QTGAL: variants seen among roughly 807,000 people sequenced by gnomAD.
QTGAL encodes queuosine-tRNA galactosyltransferase.
the QTGAL span, among the ~76,000 whole-genome samples, chr17:82,951,970 G>C: frequency 6.6e-6 from 1 of 152,070 alleles, no homozygotes; most frequent in East Asian, 1.9e-4. Flanking sequence ...CGTGGAGATG[G>C]GGAGACGTGG....
chr17:83,024,612 CAGG>C, the QTGAL span, among the ~76,000 whole-genome samples: 7 of 152,236 alleles, frequency 4.6e-5, no homozygotes, highest in African/African-American at 9.6e-5. Flanking sequence ...CCAACCCCAC[CAGG>C]AGAAGAGGAC....
the QTGAL span, among the ~76,000 whole-genome samples, chr17:83,046,937 A>C: frequency 6.6e-6 from 1 of 152,242 alleles, no homozygotes; most frequent in African/African-American, 2.4e-5. Context: ...AGGAACGTTA[A>C]AACGTTATGC....
chr17:83,005,073 C>T, the QTGAL span: 17 of 1,509,544 alleles, frequency 1.1e-5, no homozygotes, highest in African/African-American at 8.3e-5. This position sits in a 1 kb window ranked among gnomAD's most constrained non-coding sequence, Gnocchi z 5.6. Context: ...CGCCCAGAGG[C>T]GACCTGTGCA....
chr17:82,973,700 G>A, the QTGAL span, among the ~76,000 whole-genome samples: 1 of 152,302 alleles, frequency 6.6e-6, no homozygotes, highest in East Asian at 1.9e-4. Flanking sequence ...AGCCGGCTAA[G>A]AAGTTACCTG....
chr17:82,970,520 C>CACCCAGCGTGGACATGACCTCCG, the QTGAL span, among the ~76,000 whole-genome samples: 1 of 97,450 alleles, frequency 1.0e-5, no homozygotes, highest in Non-Finnish European at 2.3e-5. Flanking sequence ...CAGGTCCTCC[C>CACCCAGCGTGGACATGACCTCCG]CACCCAGCGT....
chr17:82,979,919 C>T, the QTGAL span, among the ~76,000 whole-genome samples: 74 of 152,290 alleles, frequency 4.9e-4, no homozygotes, highest in South Asian at 1.7e-3. Flanking sequence ...AACAGACAGA[C>T]CCACACTCTG....
the QTGAL span, chr17:82,961,284 G>A: frequency 6.8e-7 from 1 of 1,462,354 alleles, no homozygotes; most frequent in Non-Finnish European, 9.2e-7. Flanking sequence ...AGGAACCGGT[G>A]GAAAAGGCTT....
chr17:82,957,560 C>G, the QTGAL span: 1 of 1,521,828 alleles, frequency 6.6e-7, no homozygotes, highest in Non-Finnish European at 8.9e-7. Flanking sequence ...TGCTGACATA[C>G]AGGGACATGA....
the QTGAL span, among the ~76,000 whole-genome samples, chr17:83,026,399 C>G: frequency 6.6e-6 from 1 of 152,266 alleles, no homozygotes; most frequent in African/African-American, 2.4e-5. Context: ...GGAGGAAAGA[C>G]GGATGTACAC....
At chr17:83,028,385 G>C in the QTGAL span, among the ~76,000 whole-genome samples, 46 of 151,052 alleles carry the variant, frequency 3.0e-4, no homozygotes, top group African/African-American at 1.0e-3. Flanking sequence ...TTAGCCGGGC[G>C]AGGTGGCGGG....
At chr17:82,977,076 G>A in the QTGAL span, among the ~76,000 whole-genome samples, 1 of 152,392 alleles carries the variant, frequency 6.6e-6, no homozygotes, top group Non-Finnish European at 1.5e-5. Context: ...CCACCTCGAA[G>A]GCCACGGCAG....
the QTGAL span, among the ~76,000 whole-genome samples, chr17:83,027,147 C>T: frequency 4.1e-5 from 6 of 145,558 alleles, no homozygotes; most frequent in Non-Finnish European, 7.5e-5. Context: ...GACAGACACA[C>T]GGAGGGGGGC....
the QTGAL span, chr17:83,005,092 A>T: frequency 1.9e-6 from 3 of 1,579,176 alleles, no homozygotes; most frequent in Non-Finnish European, 2.6e-6. This position sits in a 1 kb window ranked among gnomAD's most constrained non-coding sequence, Gnocchi z 5.6. Flanking sequence ...CACCTGCCCC[A>T]GACAAGGCGC....
chr17:82,963,561 G>A, the QTGAL span, among the ~76,000 whole-genome samples: 1 of 152,196 alleles, frequency 6.6e-6, no homozygotes, highest in South Asian at 2.1e-4. Flanking sequence ...AACCCACCAA[G>A]ATAAATTCCA....
At chr17:82,971,350 G>A in the QTGAL span, among the ~76,000 whole-genome samples, 1 of 152,196 alleles carries the variant, frequency 6.6e-6, no homozygotes, top group African/African-American at 2.4e-5. Context: ...GCTCCAGGGA[G>A]GGGCTCAGTC....
At chr17:83,003,005 G>C in the QTGAL span, among the ~76,000 whole-genome samples, 1 of 70,390 alleles carries the variant, frequency 1.4e-5, no homozygotes, top group Non-Finnish European at 2.8e-5. Context: ...CCCGCCCTCC[G>C]CGTGTGGGAT....
the QTGAL span, among the ~76,000 whole-genome samples, chr17:82,953,793 T>C: frequency 1.3e-5 from 2 of 152,192 alleles, no homozygotes; most frequent in Non-Finnish European, 2.9e-5. Flanking sequence ...TCAAAAAGCT[T>C]ATCCACCATG....
chr17:83,028,462 C>A, the QTGAL span, among the ~76,000 whole-genome samples: 1 of 144,600 alleles, frequency 6.9e-6, no homozygotes, highest in Non-Finnish European at 1.5e-5. Flanking sequence ...GGGGCGGAGC[C>A]TGCAGTGAGC....
chr17:82,951,808 T>TGGGGGGGGGCGGGGGGGGGGGGGGGGG, the QTGAL span, among the ~76,000 whole-genome samples: 1 of 49,914 alleles, frequency 2.0e-5, no homozygotes, highest in Admixed American at 2.3e-4. Context: ...AGGGGTGGGG[T>TGGGGGGGGGCGGGGGGGGGGGGGGGGG]GGGGGGGAGC....
Sources: allele counts gnomAD v4.1 joint callset (sites outside exome capture counted in the v4.1 genomes callset), GRCh38; gene constraint gnomAD v4.1.1; non-coding constraint Gnocchi (gnomAD v3.1); transcripts MANE v1.5; gene names NCBI Gene and HGNC (gene_info 2026-07-23, HGNC 2026-07-21).